XKRX: variants seen among roughly 807,000 people sequenced by gnomAD.
XKRX encodes the protein XK related X-linked.
In XKRX, 11 loss-of-function variants were observed where a neutral mutation model predicts 22.4. That is an observed-to-expected ratio of 0.49 (90% CI 0.31 to 0.81). The LOEUF (loss-of-function observed/expected upper bound fraction) is 0.81. Among genes scored for constraint, XKRX ranks in the 40% least tolerant of loss-of-function variants. The pLI, the probability that XKRX is intolerant of heterozygous loss-of-function variation, is 0.05. For synonymous variants in XKRX, 114 were observed against 132.2 expected (o/e 0.86, Z 0.94); for missense variants, 320 against 336.5 (o/e 0.95, Z 0.38).
At chrX:100,895,675 T>C in the XKRX span, among the ~76,000 whole-genome samples, 1 of 111,926 alleles carries the variant, frequency 8.9e-6, no homozygotes, top group Middle Eastern at 4.6e-3. Context: ...CCATTGGGTC[T>C]ATTTCAATGT....
In XKRX at chrX:100,914,129, T is replaced by C. The variant is rs751781349; in HGVS notation, c.*209A>G. On this transcript the variant is annotated 3_prime_UTR_variant, in exon 3 of 3. Transcript: ENST00000372956. Reference sequence around the variant, plus strand: ...ATGGTATTTCTGACCCTTTCAACTATATAGTCGATACCCCCTGTTTCCAAA... The same window carrying C: ...ATGGTATTTCTGACCCTTTCAACTACATAGTCGATACCCCCTGTTTCCAAA... 7.4e-5 allele frequency: 34 copies of C among 459,655 alleles called. No homozygotes were observed. In the East Asian group the frequency reaches 1.2e-3, roughly 16 times the overall value. The allele number at this position is 459,655 out of a possible 1,213,427, so 37.9% of individuals were successfully genotyped here.
the XKRX span, among the ~76,000 whole-genome samples, chrX:100,935,570 C>T: frequency 5.4e-5 from 6 of 111,841 alleles, no homozygotes; most frequent in African/African-American, 1.9e-4. Flanking sequence ...GATCCATTTC[C>T]GGAAGACAGA....
chrX:100,928,546 C>A lies in XKRX; in HGVS notation c.-242G>T. The A allele has an allele frequency of 2.0e-6, 2 of 990,651 alleles. No individual in the cohort carries two copies. Among genetic ancestry groups the A allele is most frequent in the East Asian group, 4.0e-5 (1 of 25,148 alleles). 81.6% of individuals were successfully genotyped at this position (990,651 alleles called of 1,213,427 possible). On this transcript the variant is annotated 5_prime_UTR_variant, in exon 1 of 3. Coordinates refer to ENST00000372956, the MANE Select transcript of XKRX (RefSeq NM_212559.3). ...TTTGAACTTGACTCTTGATTGGCCC[C>A]GATTCCAATCGTCAACATACTTGCT...
rs148046811 is a variant in XKRX, at chrX:100,915,969, T to A, written c.605-886A>T. ...TTGATCAAAGGCTACAAATTTAGAG[T>A]TATAAGATAAATAAGTTTCAGAGCT... On this transcript the variant is annotated intron_variant, in intron 2 of 2. Coordinates refer to ENST00000372956, the MANE Select transcript of XKRX (RefSeq NM_212559.3). 1.2e-3 allele frequency among the ~76,000 whole-genome samples: 127 copies of A among 109,483 alleles called. 2 individuals are homozygous for A. In the East Asian group the frequency reaches 0.025, roughly 22 times the overall value.
chrX:100,951,724 A>G, the XKRX span, among the ~76,000 whole-genome samples: 1 of 111,849 alleles, frequency 8.9e-6, no homozygotes, highest in Admixed American at 9.5e-5. Context: ...CAATTCACCA[A>G]TATCAGGAAT....
Position 100,922,583 on chromosome X carries a change from A to G in XKRX, c.604+210T>C, listed in dbSNP as rs1457529393. Among the ~76,000 whole-genome samples, 3 of 112,691 alleles carry G rather than the reference A, an allele frequency of 2.7e-5. No individual in the cohort carries two copies. The East Asian group carries it at 8.3e-4, about 31-fold the overall frequency. ...TTTCTGTGATGATGGAAATGTTTAT[A>G]CCTGTGCCATCCAATACAGTAGTTG... On this transcript the variant is annotated intron_variant, in intron 2 of 2. Transcript: ENST00000372956.
At position 100,922,312 on chromosome X, in the gene XKRX, C is replaced by T. The variant is rs185915896; in HGVS notation, c.604+481G>A. On this transcript the variant is annotated intron_variant, in intron 2 of 2. Coordinates refer to ENST00000372956, the MANE Select transcript of XKRX (RefSeq NM_212559.3). ...CATCACATGATTCTGATGATCAGTA[C>T]TATTTGGGAACCTCTTATTAAAGAC... Among the ~76,000 whole-genome samples the T allele has an allele frequency of 5.4e-5, 6 of 112,082 alleles. No individual in the cohort carries two copies. The Admixed American group carries it at 5.7e-4, about 11-fold the overall frequency.
chrX:100,947,593 A>G, the XKRX span, among the ~76,000 whole-genome samples: 1 of 112,318 alleles, frequency 8.9e-6, no homozygotes, highest in Non-Finnish European at 1.9e-5. Context: ...TCATTTGTAC[A>G]TGAAAGCTTT....
At chrX:100,958,227 T>C in the XKRX span, among the ~76,000 whole-genome samples, 1 of 112,027 alleles carries the variant, frequency 8.9e-6, no homozygotes, top group Admixed American at 9.6e-5. Context: ...TCAGGATTAG[T>C]AGTCAGAGTT....
chrX:100,914,416 G>A lies in XKRX; in HGVS notation c.1272C>T (p.Cys424=). 8.3e-7 allele frequency: 1 copy of A among 1,211,893 alleles called. No homozygotes were observed. ...CCCTGGTCCGAGGGTGCTGGTGACA[G>A]CAGACACAATGGAGGTAGTCTACTA... is the stretch of plus-strand genomic sequence containing the variant. ...HNVVDYLHCV[C]CHQHPRTRVE... is the part of the protein sequence containing the mutation. The change falls in exon 3 of 3, where the codon TGC becomes TGT. Residue 424 remains cysteine (C), a synonymous_variant. Coordinates refer to ENST00000372956, the MANE Select transcript of XKRX (RefSeq NM_212559.3).
At chrX:100,943,671 T>C in the XKRX span, among the ~76,000 whole-genome samples, 1 of 112,390 alleles carries the variant, frequency 8.9e-6, no homozygotes, top group Non-Finnish European at 1.9e-5. Flanking sequence ...CCCAAAGTGC[T>C]GGGATTACAG....
At chrX:100,919,119 A>C (rs2085459448) in intron 2 of XKRX, among the ~76,000 whole-genome samples, 1 of 112,346 alleles carries the variant, frequency 8.9e-6, no homozygotes, top group African/African-American at 3.2e-5. Flanking sequence ...ATAAAGATGT[A>C]AATTCTCCCA....
chrX:100,955,613 C>T, the XKRX span, among the ~76,000 whole-genome samples: 1 of 111,425 alleles, frequency 9.0e-6, no homozygotes, highest in Non-Finnish European at 1.9e-5. Context: ...GCGGGGGTTG[C>T]AGGGAGCTGA....
the XKRX span, among the ~76,000 whole-genome samples, chrX:100,902,032 T>C: frequency 1.9e-5 from 2 of 106,957 alleles, no homozygotes; most frequent in African/African-American, 3.4e-5. Context: ...TTTTAGATGA[T>C]AAAATACACT....
At chrX:100,955,866 C>G in the XKRX span, among the ~76,000 whole-genome samples, 1 of 111,340 alleles carries the variant, frequency 9.0e-6, no homozygotes, top group African/African-American at 3.3e-5. Context: ...ACCATGTATA[C>G]GCACAACAGC....
At chrX:100,937,958 A>C in the XKRX span, among the ~76,000 whole-genome samples, 6 of 111,665 alleles carry the variant, frequency 5.4e-5, no homozygotes, top group African/African-American at 9.8e-5. Flanking sequence ...CTAACAGTAG[A>C]AAGCAATGGG....
intron 1 of XKRX, among the ~76,000 whole-genome samples, chrX:100,924,374 C>G (rs1292090208): frequency 2.7e-5 from 3 of 111,483 alleles, no homozygotes; most frequent in African/African-American, 9.8e-5. Flanking sequence ...TGGACAAAAG[C>G]CTTTTAAACT....
the XKRX span, among the ~76,000 whole-genome samples, chrX:100,889,937 G>A: frequency 1.8e-5 from 2 of 111,872 alleles, no homozygotes. Context: ...CCAGGAGGTC[G>A]AGACTGCAGT....
At chrX:100,904,276 C>T in the XKRX span, among the ~76,000 whole-genome samples, 5 of 109,812 alleles carry the variant, frequency 4.6e-5, no homozygotes, top group Non-Finnish European at 9.4e-5. Flanking sequence ...CAGACATACA[C>T]ATGCAGAAAC....
Sources: allele counts gnomAD v4.1 joint callset (sites outside exome capture counted in the v4.1 genomes callset), GRCh38; gene constraint gnomAD v4.1.1; transcripts MANE v1.5; gene names NCBI Gene and HGNC (gene_info 2026-07-23, HGNC 2026-07-21).